The following GTF2H5 variants were observed in gnomAD, a reference collection of about 807,000 sequenced individuals.
The protein encoded by GTF2H5 is general transcription factor IIH subunit 5, also known as TFB5 ortholog.
Under a neutral mutation model 7.1 loss-of-function variants are expected in GTF2H5, and 5 were observed. The observed-to-expected ratio is 0.71, with a 90% confidence interval of 0.37 to 1.49. The LOEUF (loss-of-function observed/expected upper bound fraction) is 1.49. GTF2H5 is among the 40% of genes most tolerant of loss of function. GTF2H5 has a pLI of 0.03. For missense variants in GTF2H5, 80 were observed against 83.0 expected (o/e 0.96, Z 0.14); for synonymous variants, 30 against 31.7 (o/e 0.95, Z 0.18).
chr6:158,189,507 A>G, intron 2 of GTF2H5, among the ~76,000 whole-genome samples: 1 of 152,024 alleles, frequency 6.6e-6, no homozygotes, highest in East Asian at 1.9e-4. Context: ...ACTCATTCAC[A>G]TAGTTGTAGC....
chr6:158,197,843 T>C lies in GTF2H5; in HGVS notation c.*5686T>C, dbSNP rs1189038675. On this transcript the variant is annotated 3_prime_UTR_variant, in exon 3 of 3. Transcript: ENST00000607778. ...TTTTTGTTTCCCAATCTTAAAAAAA[T>C]CCCTGAAGGGCACCTGTTTTTCTTC... The C allele has an allele frequency of 6.6e-6, 1 of 152,098 alleles. No homozygotes were observed. Among genetic ancestry groups the C allele is most frequent in the South Asian group, 2.1e-4 (1 of 4,832 alleles). The allele number at this position is 152,098 out of a possible 1,614,324, so 9.4% of individuals were successfully genotyped here.
intron 2 of GTF2H5, among the ~76,000 whole-genome samples, chr6:158,175,044 G>GTGTGTGTATGTGTGTGTGTGTGTA: frequency 6.3e-5 from 9 of 142,844 alleles, no homozygotes; most frequent in African/African-American, 2.4e-4. Context: ...GTGTGTGTGT[G>GTGTGTGTATGTGTGTGTGTGTGTA]TATACACACA....
chr6:158,169,418 A>ATG (rs1239127764), intron 1 of GTF2H5, among the ~76,000 whole-genome samples: 25 of 89,668 alleles, frequency 2.8e-4, no homozygotes, highest in East Asian at 1.3e-3. Flanking sequence ...ATTATATATT[A>ATG]TATATAATAT....
At chr6:158,186,699 G>A (rs1028660863) in intron 2 of GTF2H5, among the ~76,000 whole-genome samples, 14 of 152,192 alleles carry the variant, frequency 9.2e-5, no homozygotes, top group African/African-American at 2.9e-4. Context: ...ACATTTTAGG[G>A]AGACAAAATA....
intron 2 of GTF2H5, among the ~76,000 whole-genome samples, chr6:158,174,372 AAAG>A (rs537666305): frequency 6.2e-4 from 95 of 152,354 alleles, no homozygotes; most frequent in African/African-American, 2.3e-3. Flanking sequence ...GAGATTTGCT[AAAG>A]AAGTAAACCA....
At chr6:158,191,562 A>C (rs903119372) in intron 2 of GTF2H5, among the ~76,000 whole-genome samples, 1 of 151,468 alleles carries the variant, frequency 6.6e-6, no homozygotes, top group East Asian at 1.9e-4. Context: ...CGCTCACTGC[A>C]AGCTCTGCCT....
intron 2 of GTF2H5, among the ~76,000 whole-genome samples, chr6:158,171,845 G>T (rs1031443404): frequency 9.2e-5 from 14 of 152,182 alleles, no homozygotes; most frequent in African/African-American, 7.2e-5. Context: ...CCACTGCGGG[G>T]GAGAGGTATT....
intron 2 of GTF2H5, among the ~76,000 whole-genome samples, chr6:158,187,631 G>C (rs186091553): frequency 6.6e-6 from 1 of 151,920 alleles, no homozygotes; most frequent in East Asian, 1.9e-4. Context: ...TCAGTGGCGC[G>C]ATCTTGGCTC....
chr6:158,185,124 A>C (rs1045812209), intron 2 of GTF2H5, among the ~76,000 whole-genome samples: 1 of 146,828 alleles, frequency 6.8e-6, no homozygotes, highest in African/African-American at 2.5e-5. Context: ...TTCATGACAA[A>C]ATGTCCCTTA....
chr6:158,189,663 A>G (rs116142412), intron 2 of GTF2H5, among the ~76,000 whole-genome samples: 57 of 152,236 alleles, frequency 3.7e-4, no homozygotes, highest in African/African-American at 1.3e-3. Context: ...TGGTCTGTTG[A>G]TATTCCCATC....
chr6:158,176,827 A>C (rs1354752011), intron 2 of GTF2H5, among the ~76,000 whole-genome samples: 1 of 151,958 alleles, frequency 6.6e-6, no homozygotes, highest in Non-Finnish European at 1.5e-5. Flanking sequence ...AGATTACCTA[A>C]AAGTATTCCT....
chr6:158,189,042 G>A (rs1040417721), intron 2 of GTF2H5, among the ~76,000 whole-genome samples: 1 of 146,388 alleles, frequency 6.8e-6, no homozygotes, highest in East Asian at 2.0e-4. Context: ...CCTCTTCTCT[G>A]AACTTTCCTT....
chr6:158,186,010 C>T (rs1234399306), intron 2 of GTF2H5, among the ~76,000 whole-genome samples: 1 of 151,826 alleles, frequency 6.6e-6, no homozygotes, highest in Middle Eastern at 3.2e-3. Flanking sequence ...ATAAAGAGAG[C>T]AAAAAAATTT....
intron 2 of GTF2H5, among the ~76,000 whole-genome samples, chr6:158,181,297 G>A (rs1786007206): frequency 6.6e-6 from 1 of 152,100 alleles, no homozygotes; most frequent in Admixed American, 6.5e-5. Context: ...CCAATTATAT[G>A]GTCAATTTTA....
chr6:158,169,771 T>A (rs1472997412), intron 1 of GTF2H5, among the ~76,000 whole-genome samples: 1 of 90,846 alleles, frequency 1.1e-5, no homozygotes, highest in Admixed American at 2.4e-4. Flanking sequence ...ATATTATATA[T>A]AATATATTGT....
At position 158,178,781 on chromosome 6, in the gene GTF2H5, T is replaced by C. The variant is rs527881681; in HGVS notation, c.35+8243T>C. 1.4e-4 allele frequency among the ~76,000 whole-genome samples: 21 copies of C among 152,258 alleles called. 2 individuals carry two copies. In the East Asian group the frequency reaches 4.1e-3, roughly 29 times the overall value. On this transcript the variant is annotated intron_variant, in intron 2 of 2. Coordinates refer to ENST00000607778, the MANE Select transcript of GTF2H5 (RefSeq NM_207118.3). ...TTGTCAGACAGGTAGATTGCAAAAA[T>C]CTCCCATTCTGTAGGTTGCCTGTTC... is the stretch of plus-strand genomic sequence containing the variant.
At chr6:158,177,051 C>T (rs1048708265) in intron 2 of GTF2H5, among the ~76,000 whole-genome samples, 3 of 152,244 alleles carry the variant, frequency 2.0e-5, no homozygotes, top group African/African-American at 7.2e-5. Context: ...CCATCATGAA[C>T]ATGTCACAGT....
At chr6:158,181,851 A>T (rs1350251918) in intron 2 of GTF2H5, among the ~76,000 whole-genome samples, 3 of 152,160 alleles carry the variant, frequency 2.0e-5, no homozygotes, top group East Asian at 1.9e-4. Context: ...GTGTCTTTCA[A>T]TTGGGGCATT....
In GTF2H5 at chr6:158,198,442, ATTTTT is replaced by A. The variant is rs768510351; in HGVS notation, c.*6289_*6293del. On this transcript the variant is annotated 3_prime_UTR_variant, in exon 3 of 3. Transcript: ENST00000607778. ...TCCAGTTTGGACTTTATTTTATTTT[ATTTTT>A]TTTGAAACAAGATCTCGCTCTGTTG... The A allele has an allele frequency of 2.0e-5, 3 of 151,844 alleles. No homozygotes were observed. The highest frequency in any genetic ancestry group is 7.3e-5 in the African/African-American group (3 of 41,324). 9.4% of individuals were successfully genotyped at this position (151,844 alleles called of 1,614,324 possible). A position where few individuals can be genotyped will look rare whatever the true frequency, so the allele number is the denominator to read the frequency against.
Sources: gnomAD v4.1 joint callset for allele counts (sites outside exome capture counted in the v4.1 genomes callset) on GRCh38, gnomAD v4.1.1 for gene constraint, MANE v1.5 for transcripts, NCBI Gene and HGNC (gene_info 2026-07-23, HGNC 2026-07-21) for gene names.